RGPD2: variants seen among roughly 807,000 people sequenced by gnomAD.
RGPD2 encodes RANBP2 like and GRIP domain containing 2.
In RGPD2, 2 loss-of-function variants were observed where a neutral mutation model predicts 36.0. The ratio of observed to expected loss-of-function variants is 0.06; its 90% confidence interval spans 0.02 to 0.17. The LOEUF is 0.17. Ranked by LOEUF, RGPD2 falls within the 10% of genes least tolerant of loss-of-function variation. The pLI, the probability that RGPD2 is intolerant of heterozygous loss-of-function variation, is 1.00. For synonymous variants in RGPD2, 19 were observed against 163.8 expected, an observed-to-expected ratio of 0.12 and a Z score of 6.75; for missense variants, 40 against 464.3, an observed-to-expected ratio of 0.09 and a Z score of 8.40.
At chr2:87,877,758 TCATGC>T in the RGPD2 span, among the ~76,000 whole-genome samples, 2 of 124,348 alleles carry the variant, frequency 1.6e-5, no homozygotes, top group Non-Finnish European at 3.1e-5. Flanking sequence ...TGAACTGAGG[TCATGC>T]CACTGCACTT....
chr2:87,836,209 A>G, the RGPD2 span, among the ~76,000 whole-genome samples: 1 of 151,396 alleles, frequency 6.6e-6, no homozygotes, highest in Non-Finnish European at 1.5e-5. Context: ...AAGAAAAAAT[A>G]TTAGTGGGAA....
intron 6 of RGPD2, among the ~76,000 whole-genome samples, chr2:87,808,968 T>A (rs1246487608): frequency 1.2e-5 from 1 of 80,754 alleles, no homozygotes; most frequent in Admixed American, 1.4e-4. Context: ...GATTGAGACC[T>A]TCCAGTACTT....
the RGPD2 span, among the ~76,000 whole-genome samples, chr2:87,853,323 A>G: frequency 2.6e-5 from 4 of 152,156 alleles, no homozygotes; most frequent in African/African-American, 9.7e-5. Context: ...CTCACGCTCA[A>G]CTGTTCCTCC....
chr2:87,758,536 G>GT (rs1162474809), intron 22 of RGPD2, among the ~76,000 whole-genome samples: 58 of 108,880 alleles, frequency 5.3e-4, no homozygotes, highest in Middle Eastern at 3.6e-3. Context: ...AGTAGCAATG[G>GT]TAATATTAGC....
chr2:87,913,726 T>C, the RGPD2 span, among the ~76,000 whole-genome samples: 4 of 151,880 alleles, frequency 2.6e-5, no homozygotes, highest in African/African-American at 7.3e-5. Context: ...ATTTTTGATA[T>C]TTTAGCTTAG....
chr2:87,848,881 T>TGC, the RGPD2 span, among the ~76,000 whole-genome samples: 1 of 150,212 alleles, frequency 6.7e-6, no homozygotes, highest in Admixed American at 6.7e-5. Context: ...TGTGTGTGTG[T>TGC]GTGTGCAAAT....
the RGPD2 span, among the ~76,000 whole-genome samples, chr2:87,971,764 T>C: frequency 6.6e-6 from 1 of 152,130 alleles, no homozygotes; most frequent in African/African-American, 2.4e-5. Flanking sequence ...TCTGAAGTAA[T>C]AATGTTAAGC....
At chr2:87,773,452 CTT>C in intron 21 of RGPD2, among the ~76,000 whole-genome samples, 1 of 140,666 alleles carries the variant, frequency 7.1e-6, no homozygotes, top group African/African-American at 2.6e-5. Flanking sequence ...AATCCCAACA[CTT>C]TGGGAGGCTG....
At chr2:87,878,223 C>T in the RGPD2 span, among the ~76,000 whole-genome samples, 1 of 151,984 alleles carries the variant, frequency 6.6e-6, no homozygotes, top group Non-Finnish European at 1.5e-5. Flanking sequence ...TTTTTCATTG[C>T]TTTTTATTCT....
At chr2:87,846,367 G>T in the RGPD2 span, among the ~76,000 whole-genome samples, 1 of 151,950 alleles carries the variant, frequency 6.6e-6, no homozygotes, top group Non-Finnish European at 1.5e-5. Context: ...GCACAGTGTG[G>T]TTACTAAAAT....
the RGPD2 span, among the ~76,000 whole-genome samples, chr2:87,921,554 A>G: frequency 3.3e-5 from 5 of 152,200 alleles, no homozygotes; most frequent in Admixed American, 6.5e-5. Context: ...TTTCCATAAT[A>G]TCACATGGCA....
chr2:87,823,823 T>G (rs1473531146), intron 1 of RGPD2, among the ~76,000 whole-genome samples: 1 of 141,124 alleles, frequency 7.1e-6, no homozygotes, highest in African/African-American at 2.8e-5. Flanking sequence ...GGATCATTTA[T>G]GCCCAAAAAT....
At chr2:87,985,971 C>T in the RGPD2 span, 8 of 1,249,012 alleles carry the variant, frequency 6.4e-6, no homozygotes, top group Admixed American at 2.6e-5. Flanking sequence ...TTCTTTTCCC[C>T]TTTCAATAAC....
chr2:87,913,611 C>T, the RGPD2 span, among the ~76,000 whole-genome samples: 4 of 151,104 alleles, frequency 2.6e-5, no homozygotes, highest in Admixed American at 2.6e-4. Context: ...CAAATGTATG[C>T]ATATTTTTAA....
At chr2:87,970,157 C>A in the RGPD2 span, among the ~76,000 whole-genome samples, 2 of 151,056 alleles carry the variant, frequency 1.3e-5, no homozygotes, top group African/African-American at 4.9e-5. Context: ...ATGAGAAAAT[C>A]TTATTTGGGG....
the RGPD2 span, among the ~76,000 whole-genome samples, chr2:87,841,255 C>T: frequency 6.6e-6 from 1 of 151,740 alleles, no homozygotes; most frequent in Non-Finnish European, 1.5e-5. Context: ...GGCCTTGTGA[C>T]ATCCCTCCTC....
the RGPD2 span, among the ~76,000 whole-genome samples, chr2:87,951,500 G>A: frequency 3.9e-5 from 6 of 152,184 alleles, no homozygotes; most frequent in Non-Finnish European, 7.3e-5. Flanking sequence ...CAAAGAAAAC[G>A]TTTTTGAAAT....
chr2:87,965,316 CA>C, the RGPD2 span, among the ~76,000 whole-genome samples: 1 of 138,584 alleles, frequency 7.2e-6, no homozygotes, highest in Admixed American at 7.9e-5. Flanking sequence ...TATTTACAGC[CA>C]TGGCAATTTT....
At chr2:87,760,914 GCTTT>G (rs1684870935) in intron 22 of RGPD2, among the ~76,000 whole-genome samples, 1 of 150,390 alleles carries the variant, frequency 6.6e-6, no homozygotes, top group African/African-American at 2.4e-5. Context: ...ACCATGCCTG[GCTTT>G]CTCTTTTTCT....
Sources: gnomAD v4.1 joint callset for allele counts (sites outside exome capture counted in the v4.1 genomes callset) on GRCh38, gnomAD v4.1.1 for gene constraint, MANE v1.5 for transcripts, NCBI Gene and HGNC (gene_info 2026-07-23, HGNC 2026-07-21) for gene names.